Variants in BTBD1 observed in about 807,000 individuals in gnomAD.
The protein encoded by BTBD1 is BTB/POZ domain-containing protein 1.
Under a neutral mutation model 48.0 loss-of-function variants are expected in BTBD1, and 34 were observed. That is an observed-to-expected ratio of 0.71 (90% confidence interval 0.54 to 0.94). The LOEUF (loss-of-function observed/expected upper bound fraction) is 0.94, where lower values mean the gene tolerates loss of function less well. Ranked by LOEUF, BTBD1 falls within the 40% of genes least tolerant of loss-of-function variation. BTBD1 has a pLI of 0.00. For missense variants in BTBD1, 543 were observed against 625.6 expected (o/e 0.87, Z 1.41); for synonymous variants, 261 against 242.1 (o/e 1.08, Z -0.72).
intron 1 of BTBD1, 28 bp downstream of exon 1, chr15:83,066,721 CGG>C: frequency 7.8e-7 from 1 of 1,277,192 alleles, no homozygotes; most frequent in Non-Finnish European, 9.9e-7. Context: ...CGGCCCGGCC[CGG>C]CCCGGCCCGG....
chr15:83,018,050 T>G lies in BTBD1; in HGVS notation c.*17A>C. The G allele has an allele frequency of 1.3e-6, 2 of 1,553,894 alleles. No individual in the cohort carries two copies. Among genetic ancestry groups the G allele is most frequent in the Non-Finnish European group, 1.8e-6 (2 of 1,137,152 alleles). ...ATTGTATGGTATTATTTAGCCAAGATGTATTATAATGCTAAATTATGTATA... is the reference window on the plus strand; with the variant it reads ...ATTGTATGGTATTATTTAGCCAAGAGGTATTATAATGCTAAATTATGTATA... On this transcript the variant is annotated 3_prime_UTR_variant, in exon 8 of 8. Transcript: ENST00000261721.
At chr15:83,043,384 G>A (rs1471794929) in intron 3 of BTBD1, among the ~76,000 whole-genome samples, 1 of 152,126 alleles carries the variant, frequency 6.6e-6, no homozygotes, top group Non-Finnish European at 1.5e-5. Flanking sequence ...GAGGCTGTGG[G>A]GAGAGGGGGC....
intron 2 of BTBD1, among the ~76,000 whole-genome samples, chr15:83,050,445 T>TGTGTGTGTGC (rs2032960871): frequency 6.6e-6 from 1 of 151,776 alleles, no homozygotes; most frequent in Non-Finnish European, 1.5e-5. Context: ...TGTGTGTGTG[T>TGTGTGTGTGC]GTGTGTGTGT....
At chr15:83,022,863 A>T (rs1430175849) in intron 5 of BTBD1, among the ~76,000 whole-genome samples, 1 of 151,874 alleles carries the variant, frequency 6.6e-6, no homozygotes, top group Non-Finnish European at 1.5e-5. Flanking sequence ...CAGGAGGCTG[A>T]AGCAGGAGAA....
At chr15:83,060,576 C>T (rs990709955) in intron 1 of BTBD1, among the ~76,000 whole-genome samples, 1 of 151,950 alleles carries the variant, frequency 6.6e-6, no homozygotes, top group Non-Finnish European at 1.5e-5. Flanking sequence ...GGCGGATCAC[C>T]TGGGGTCAGG....
rs1255405306 is a variant in BTBD1, at chr15:83,067,069, G to A, written c.83C>T (p.Pro28Leu). The A allele has an allele frequency of 6.4e-7, 1 of 1,555,462 alleles. No homozygotes were observed. Among genetic ancestry groups the A allele is most frequent in the Non-Finnish European group, 8.7e-7 (1 of 1,155,746 alleles). The stretch of plus-strand genomic sequence containing the variant: ...GGGCCCCAGAGAGGACGGTGAGGGC[G>A]GCGGCGGCGGCCCCGCGGGGCCCGG... Reference protein sequence around the residue: ...AEPGPAGPPPPPSPSSLGPLL... With the variant: ...AEPGPAGPPPLPSPSSLGPLL... The change falls in exon 1 of 8, where the codon CCG (proline) becomes CTG (leucine). Residue 28 changes from proline (P) to leucine (L), a missense_variant. Physicochemically the swap from Pro to Leu is moderately conservative, Grantham distance 98. Around this residue, in one of 3 missense-constraint regions of BTBD1, gnomAD observed 173 missense variants for 163.9 expected, o/e 1.06. Coordinates refer to ENST00000261721, the MANE Select transcript of BTBD1 (RefSeq NM_025238.4).
intron 1 of BTBD1, among the ~76,000 whole-genome samples, chr15:83,057,557 A>G (rs566001352): frequency 6.6e-6 from 1 of 152,028 alleles, no homozygotes; most frequent in African/African-American, 2.4e-5. Context: ...GTGCCTTCCT[A>G]TTTTTCTCTA....
chr15:83,058,493 C>T (rs1209646503), intron 1 of BTBD1, among the ~76,000 whole-genome samples: 1 of 152,082 alleles, frequency 6.6e-6, no homozygotes, highest in South Asian at 2.1e-4. Flanking sequence ...CCTGTCATCC[C>T]AGCTATCTGG....
intron 3 of BTBD1, among the ~76,000 whole-genome samples, chr15:83,046,980 G>A (rs1445429604): frequency 6.6e-6 from 1 of 152,180 alleles, no homozygotes; most frequent in Non-Finnish European, 1.5e-5. Flanking sequence ...GTGAGAGCCA[G>A]CCAAGATGGG....
chr15:83,057,837 T>G (rs1463634524), intron 1 of BTBD1, among the ~76,000 whole-genome samples: 1 of 152,250 alleles, frequency 6.6e-6, no homozygotes, highest in African/African-American at 2.4e-5. Context: ...GCTGGTCTGT[T>G]TTCAAGATAA....
intron 4 of BTBD1, chr15:83,030,595 T>C: frequency 3.0e-6 from 1 of 330,510 alleles, no homozygotes; most frequent in East Asian, 6.3e-5. Flanking sequence ...GGAATCCTCC[T>C]TTCTCACCTT....
chr15:83,020,658 G>A lies in BTBD1; in HGVS notation c.1143+17C>T, dbSNP rs186294773. 18 of 1,474,680 alleles carry A rather than the reference G, an allele frequency of 1.2e-5. No individual in the cohort carries two copies. The East Asian group carries it at 3.0e-4, about 24-fold the overall frequency. The allele number at this position is 1,474,680 out of a possible 1,614,324, so 91.3% of individuals were successfully genotyped here. A position where few individuals can be genotyped will look rare whatever the true frequency, so the allele number is the denominator to read the frequency against. Reference sequence around the variant, plus strand: ...GTGTTATTTCAAAATGATATATGGTGGGGGAGGAAACTGTACCTGTATATT... The same window carrying A: ...GTGTTATTTCAAAATGATATATGGTAGGGGAGGAAACTGTACCTGTATATT... On this transcript the variant is annotated intron_variant, in intron 6 of 7. Transcript: ENST00000261721.
At chr15:83,056,313 G>C in intron 2 of BTBD1, 76 bp downstream of exon 2, 1 of 899,888 alleles carries the variant, frequency 1.1e-6, no homozygotes, top group Non-Finnish European at 1.7e-6. Flanking sequence ...AATTCTCCAG[G>C]AAATATTAAA....
chr15:83,055,992 CCCCGCCA>C lies in BTBD1; in HGVS notation c.558+390_558+396del, dbSNP rs539519445. Among the ~76,000 whole-genome samples the C allele has an allele frequency of 3.6e-3, 549 of 152,166 alleles. 1 individual carries two copies. Among genetic ancestry groups the C allele is most frequent in the African/African-American group, 0.013 (529 of 41,510 alleles). On this transcript the variant is annotated intron_variant, in intron 2 of 7. Coordinates refer to ENST00000261721, the MANE Select transcript of BTBD1 (RefSeq NM_025238.4). ...CTCGCTCTGTCTCCCAGGGTGTCTGCCCCGCCACCCCAATTCAAGCGATTCTTCTGCC... is the reference window on the plus strand; with the variant it reads ...CTCGCTCTGTCTCCCAGGGTGTCTGCCCCCAATTCAAGCGATTCTTCTGCC...
intron 4 of BTBD1, among the ~76,000 whole-genome samples, chr15:83,036,354 C>T (rs1461447268): frequency 1.3e-5 from 2 of 152,022 alleles, no homozygotes; most frequent in Non-Finnish European, 2.9e-5. Context: ...AATTTAAAAC[C>T]AAAATGAAAT....
At chr15:83,061,096 A>T (rs1224465953) in intron 1 of BTBD1, among the ~76,000 whole-genome samples, 1 of 152,222 alleles carries the variant, frequency 6.6e-6, no homozygotes, top group East Asian at 1.9e-4. Flanking sequence ...CAAACATCAT[A>T]GACTGCACTC....
At chr15:83,066,623 G>A in intron 1 of BTBD1, 128 bp downstream of exon 1, 1 of 1,017,652 alleles carries the variant, frequency 9.8e-7, no homozygotes, top group South Asian at 4.5e-5. Context: ...GGAAACTGAG[G>A]CCCCGGGCGG....
intron 5 of BTBD1, among the ~76,000 whole-genome samples, chr15:83,021,397 T>C (rs1241370750): frequency 6.6e-6 from 1 of 152,210 alleles, no homozygotes; most frequent in Non-Finnish European, 1.5e-5. Context: ...TTGGTCATAA[T>C]AGTTAAGAAA....
At chr15:83,060,103 G>A (rs1328821203) in intron 1 of BTBD1, among the ~76,000 whole-genome samples, 3 of 152,040 alleles carry the variant, frequency 2.0e-5, no homozygotes, top group African/African-American at 7.2e-5. Context: ...ATGTGTTTAA[G>A]TCTCAATAAA....
Sources: allele counts gnomAD v4.1 joint callset (sites outside exome capture counted in the v4.1 genomes callset), GRCh38; gene constraint gnomAD v4.1.1; regional missense constraint gnomAD v4.1.1; transcripts MANE v1.5; gene names NCBI Gene and HGNC (gene_info 2026-07-23, HGNC 2026-07-21).